The following ADAMTS12 variants were observed in gnomAD, a reference collection of about 807,000 sequenced individuals.
The protein encoded by ADAMTS12 is ADAM metallopeptidase with thrombospondin type 1 motif 12.
A neutral mutation model predicts 167.8 loss-of-function variants in ADAMTS12; 118 were observed. The observed-to-expected ratio is 0.70, with a 90% CI of 0.61 to 0.82. The LOEUF (loss-of-function observed/expected upper bound fraction) is 0.82. ADAMTS12 is among the 40% of genes least tolerant of loss of function. ADAMTS12 has a pLI of 0.00. For synonymous variants in ADAMTS12, 704 were observed against 716.9 expected (o/e 0.98, Z 0.29); for missense variants, 1,916 against 1,998.8 (o/e 0.96, Z 0.79).
intron 5 of ADAMTS12, among the ~76,000 whole-genome samples, chr5:33,682,066 C>G (rs1290026212): frequency 6.6e-6 from 1 of 152,124 alleles, no homozygotes; most frequent in Admixed American, 6.5e-5. Context: ...AGGAAACAAC[C>G]ATTTGGGAGT....
At chr5:33,757,506 C>T (rs1042869232) in intron 2 of ADAMTS12, among the ~76,000 whole-genome samples, 1 of 152,100 alleles carries the variant, frequency 6.6e-6, no homozygotes, top group South Asian at 2.1e-4. Flanking sequence ...CCCTGAGAGC[C>T]CTGAAATATC....
chr5:33,677,794 C>T (rs1741975820), intron 5 of ADAMTS12, among the ~76,000 whole-genome samples: 1 of 152,130 alleles, frequency 6.6e-6, no homozygotes, highest in Admixed American at 6.5e-5. Flanking sequence ...GTTTTGTATA[C>T]GTCAGTTACC....
intron 19 of ADAMTS12, among the ~76,000 whole-genome samples, chr5:33,569,367 C>G (rs1746187672): frequency 6.6e-6 from 1 of 152,190 alleles, no homozygotes; most frequent in South Asian, 2.1e-4. Flanking sequence ...AGACTGACAC[C>G]TCACACGGTC....
chr5:33,610,131 A>T (rs1332270586), intron 16 of ADAMTS12, among the ~76,000 whole-genome samples: 1 of 152,232 alleles, frequency 6.6e-6, no homozygotes, highest in Non-Finnish European at 1.5e-5. Context: ...CGGTGAGCCG[A>T]GATTGAGCCA....
chr5:33,820,392 C>G (rs1220619664), intron 2 of ADAMTS12, among the ~76,000 whole-genome samples: 2 of 152,152 alleles, frequency 1.3e-5, no homozygotes, highest in African/African-American at 4.8e-5. Context: ...TTTAAGTATG[C>G]TTTTGCATTT....
intron 2 of ADAMTS12, among the ~76,000 whole-genome samples, chr5:33,847,815 G>C (rs1296615310): frequency 6.6e-6 from 1 of 152,122 alleles, no homozygotes; most frequent in Non-Finnish European, 1.5e-5. Context: ...ACCTTTAATG[G>C]GTGGGCACAG....
In ADAMTS12 at chr5:33,675,056, C is replaced by T. The variant is rs1741850717; in HGVS notation, c.915+7962G>A. ...TGCTTGCTTGCCATGTGATGCCTTC[C>T]ACCATGGAATGACACTCACCAGATG... is the stretch of plus-strand genomic sequence containing the variant. On this transcript the variant is annotated intron_variant, in intron 5 of 23. Coordinates refer to ENST00000504830, the MANE Select transcript of ADAMTS12 (RefSeq NM_030955.4). Among the ~76,000 whole-genome samples the T allele has an allele frequency of 2.6e-5, 4 of 152,250 alleles. No homozygotes were observed. The South Asian group carries it at 6.2e-4, about 24-fold the overall frequency.
At chr5:33,766,357 C>G (rs1261625349) in intron 2 of ADAMTS12, among the ~76,000 whole-genome samples, 2 of 152,070 alleles carry the variant, frequency 1.3e-5, no homozygotes, top group East Asian at 3.9e-4. Flanking sequence ...TTGGACAAAT[C>G]AAATTTAGGA....
At chr5:33,807,799 T>A (rs1442421225) in intron 2 of ADAMTS12, among the ~76,000 whole-genome samples, 1 of 152,150 alleles carries the variant, frequency 6.6e-6, no homozygotes, top group Non-Finnish European at 1.5e-5. Context: ...AAGAGAACCA[T>A]CACGAGTAAT....
chr5:33,594,588 T>G (rs960116023), intron 17 of ADAMTS12, among the ~76,000 whole-genome samples: 13 of 152,204 alleles, frequency 8.5e-5, no homozygotes, highest in South Asian at 2.1e-4. Context: ...AACTGCAATT[T>G]CAGGTAAAAC....
intron 2 of ADAMTS12, among the ~76,000 whole-genome samples, chr5:33,818,894 A>T (rs1350072165): frequency 6.6e-6 from 1 of 152,134 alleles, no homozygotes; most frequent in African/African-American, 2.4e-5. Flanking sequence ...CTATTAAGAA[A>T]TATCTATTCA....
intron 2 of ADAMTS12, among the ~76,000 whole-genome samples, chr5:33,752,756 C>A (rs1745034088): frequency 6.6e-6 from 1 of 152,176 alleles, no homozygotes; most frequent in East Asian, 1.9e-4. Flanking sequence ...AAGGTCCTTT[C>A]ACTATTCATC....
intron 2 of ADAMTS12, among the ~76,000 whole-genome samples, chr5:33,775,270 T>A (rs145818956): frequency 2.0e-3 from 311 of 152,298 alleles, no homozygotes; most frequent in South Asian, 4.3e-3. Context: ...AAAGCTATTA[T>A]GTCACTTATA....
intron 2 of ADAMTS12, among the ~76,000 whole-genome samples, chr5:33,878,293 A>G (rs920611383): frequency 3.9e-5 from 6 of 152,060 alleles, no homozygotes; most frequent in African/African-American, 1.2e-4. Flanking sequence ...TTTTTTTTAT[A>G]ACCATCCATT....
At chr5:33,883,333 T>G (rs1253674208) in intron 1 of ADAMTS12, among the ~76,000 whole-genome samples, 43 of 148,992 alleles carry the variant, frequency 2.9e-4, no homozygotes, top group African/African-American at 9.7e-4. Context: ...TTTTGTTTTT[T>G]TTTTTTTTGT....
At chr5:33,648,755 C>G in intron 9 of ADAMTS12, 67 bp downstream of exon 9, 1 of 1,587,098 alleles carries the variant, frequency 6.3e-7, no homozygotes. Flanking sequence ...CAAATATTGT[C>G]CTGGCCCTTC....
rs540637558 is a variant in ADAMTS12, at chr5:33,723,424, A to G, written c.634+27980T>C. Reference sequence around the variant, plus strand: ...CTTGTCCTACTGTTCTTGCCCCTCTATCTCCAAATGTGCATAGATCTCTTC... The same window carrying G: ...CTTGTCCTACTGTTCTTGCCCCTCTGTCTCCAAATGTGCATAGATCTCTTC... On this transcript the variant is annotated intron_variant, in intron 3 of 23. Transcript: ENST00000504830. Among the ~76,000 whole-genome samples, 6 of 152,090 alleles carry G rather than the reference A, an allele frequency of 3.9e-5. No homozygotes were observed. The South Asian group carries it at 1.0e-3, about 26-fold the overall frequency.
intron 2 of ADAMTS12, among the ~76,000 whole-genome samples, chr5:33,810,039 T>G (rs1579955421): frequency 7.7e-6 from 1 of 130,342 alleles, no homozygotes; most frequent in Non-Finnish European, 1.6e-5. Context: ...CACTGGAAAA[T>G]GCTGAATTAC....
intron 3 of ADAMTS12, among the ~76,000 whole-genome samples, chr5:33,711,684 A>G (rs1250999483): frequency 6.6e-6 from 1 of 152,150 alleles, no homozygotes; most frequent in African/African-American, 2.4e-5. Flanking sequence ...TGCTTCCCTC[A>G]TCGCTCTTCC....
Sources: gnomAD v4.1 joint callset for allele counts (sites outside exome capture counted in the v4.1 genomes callset) on GRCh38, gnomAD v4.1.1 for gene constraint, MANE v1.5 for transcripts, NCBI Gene and HGNC (gene_info 2026-07-23, HGNC 2026-07-21) for gene names.